YIF1A: variants seen among roughly 807,000 people sequenced by gnomAD.
YIF1A encodes protein YIF1A.
Under a neutral mutation model 32.6 loss-of-function variants are expected in YIF1A, and 28 were observed. The ratio of observed to expected loss-of-function variants is 0.86; its 90% CI spans 0.64 to 1.18. The LOEUF (loss-of-function observed/expected upper bound fraction) is 1.18, where lower values mean the gene tolerates loss of function less well. Ranked by LOEUF, YIF1A falls within the 50% of genes most tolerant of loss-of-function variation. The pLI, the probability that YIF1A is intolerant of heterozygous loss-of-function variation, is 0.00. For missense variants in YIF1A, 373 were observed against 390.8 expected (o/e 0.95, Z 0.38); for synonymous variants, 175 against 162.2 (o/e 1.08, Z -0.60).
At chr11:66,285,567 G>A (rs779970511) in intron 5 of YIF1A, 31 bp from the exon 6 acceptor site, 2 of 1,612,384 alleles carry the variant, frequency 1.2e-6, no homozygotes, top group Non-Finnish European at 1.7e-6. Flanking sequence ...CTCAGAGCCA[G>A]GCATCCTGAG....
chr11:66,285,217 A>T, intron 6 of YIF1A, 164 bp downstream of exon 6: 1 of 1,139,356 alleles, frequency 8.8e-7, no homozygotes, highest in Non-Finnish European at 1.2e-6. Context: ...CAACCTCTGC[A>T]TGGCACGCAG....
chr11:66,287,639 G>T lies in YIF1A; in HGVS notation c.386C>A (p.Pro129His), dbSNP rs371922483. 1.7e-5 allele frequency: 27 copies of T among 1,613,728 alleles called. No homozygotes were observed. The Middle Eastern group carries it at 1.5e-3, about 89-fold the overall frequency. ...AGGGGCGTTGAGGTCTTGCCGGGGG[G>T]GCAGAGGAGCATCACGACTGTACTG... is the stretch of plus-strand genomic sequence containing the variant. ...EVQYSRDAPL[P>H]PRQDLNAPDL... is the part of the protein sequence containing the mutation. Residue 129 changes from proline to histidine, a missense_variant, in exon 4 of 8, where the codon CCC becomes CAC. Pro to His is a moderately conservative substitution (Grantham distance 77). Coordinates refer to ENST00000376901, the MANE Select transcript of YIF1A (RefSeq NM_020470.3).
At chr11:66,286,220 C>A (rs1015170453) in intron 4 of YIF1A, among the ~76,000 whole-genome samples, 1 of 152,222 alleles carries the variant, frequency 6.6e-6, no homozygotes, top group South Asian at 2.1e-4. Flanking sequence ...CCCAACAATG[C>A]AGGGAACTCC....
chr11:66,285,583 G>A, intron 5 of YIF1A, 47 bp from the exon 6 acceptor site: 1 of 1,611,966 alleles, frequency 6.2e-7, no homozygotes, highest in Admixed American at 1.7e-5. Context: ...CTGAGGCAGG[G>A]GTGAGGAAGA....
In YIF1A at chr11:66,287,644, A is replaced by G. The variant is rs1201533593; in HGVS notation, c.381T>C (p.Pro127=). 1 of 1,612,904 alleles carries G rather than the reference A, an allele frequency of 6.2e-7. No homozygotes were observed. Among genetic ancestry groups the G allele is most frequent in the Non-Finnish European group, 8.5e-7 (1 of 1,179,600 alleles). Reference sequence around the variant, plus strand: ...CGTTGAGGTCTTGCCGGGGGGGCAGAGGAGCATCACGACTGTACTGCACTT... The same window carrying G: ...CGTTGAGGTCTTGCCGGGGGGGCAGGGGAGCATCACGACTGTACTGCACTT... ...NWEVQYSRDA[P]LPPRQDLNAP... is the part of the protein sequence containing the mutation. Residue 127 remains proline, a synonymous_variant, in exon 4 of 8, where the codon CCT becomes CCC. Coordinates refer to ENST00000376901, the MANE Select transcript of YIF1A (RefSeq NM_020470.3).
At chr11:66,287,542 A>G in intron 4 of YIF1A, 56 bp downstream of exon 4, 1 of 1,539,092 alleles carries the variant, frequency 6.5e-7, no homozygotes, top group Non-Finnish European at 8.8e-7. Flanking sequence ...CCCTCAAGGC[A>G]CAAGTCCCCC....
chr11:66,285,533 G>A lies in YIF1A; in HGVS notation c.489C>T (p.Phe163=). The A allele has an allele frequency of 6.2e-7, 1 of 1,612,956 alleles. No homozygotes were observed. The highest frequency in any genetic ancestry group is 8.5e-7 in the Non-Finnish European group (1 of 1,180,014). ...CACACAGGCCCAGCACCTCCGGGGA[G>A]AACCTGCGCCAAAGCAGGGGTGGCT... The part of the protein sequence containing the change: ...AGMALGIQKR[F]SPEVLGLCAS... The change falls in exon 6 of 8, where the codon TTC becomes TTT. Residue 163 remains phenylalanine, a synonymous_variant. Coordinates refer to ENST00000376901, the MANE Select transcript of YIF1A (RefSeq NM_020470.3).
At position 66,285,549 on chromosome 11, in the gene YIF1A, A is replaced by G; in HGVS notation, c.486-13T>C. On this transcript the variant is annotated splice_polypyrimidine_tract_variant and intron_variant, in intron 5 of 7. Coordinates refer to ENST00000376901, the MANE Select transcript of YIF1A (RefSeq NM_020470.3). ...CTCCGGGGAGAACCTGCGCCAAAGCAGGGGTGGCTCAGAGCCAGGCATCCT... is the reference window on the plus strand; with the variant it reads ...CTCCGGGGAGAACCTGCGCCAAAGCGGGGGTGGCTCAGAGCCAGGCATCCT... The G allele has an allele frequency of 1.2e-6, 2 of 1,612,864 alleles. No individual in the cohort carries two copies. Among genetic ancestry groups the G allele is most frequent in the Non-Finnish European group, 1.7e-6 (2 of 1,179,988 alleles).
At position 66,284,642 on chromosome 11, in the gene YIF1A, G is replaced by C. The variant is rs770477465; in HGVS notation, c.877C>G (p.Arg293Gly). The change falls in exon 8 of 8, where the codon CGG (arginine) becomes GGG (glycine). Residue 293 changes from arginine to glycine, a missense_variant. Coordinates refer to ENST00000376901, the MANE Select transcript of YIF1A (RefSeq NM_020470.3). ...IIYWLTFHLV[R>G] is the part of the protein sequence containing the mutation. ...TGCCATCTGGGGCCAGGGGGTCACC[G>C]GACCAGGTGGAAAGTCAGCCAGTAT... The C allele has an allele frequency of 6.2e-7, 1 of 1,612,742 alleles. No homozygotes were observed. Among genetic ancestry groups the C allele is most frequent in the East Asian group, 2.2e-5 (1 of 44,888 alleles).
chr11:66,285,512 C>T lies in YIF1A; in HGVS notation c.510G>A (p.Leu170=). The part of the protein sequence containing the change: ...QKRFSPEVLG[L]CASTALVWVV... ...CCCACACCAGCGCTGTGCTTGCACA[C>T]AGGCCCAGCACCTCCGGGGAGAACC... The change falls in exon 6 of 8, where the codon CTG becomes CTA. Residue 170 remains leucine, a synonymous_variant. Transcript: ENST00000376901. The T allele has an allele frequency of 1.2e-6, 2 of 1,613,116 alleles. No homozygotes were observed. Among genetic ancestry groups the T allele is most frequent in the South Asian group, 2.2e-5 (2 of 91,086 alleles).
Position 66,284,763 on chromosome 11 carries a change from T to A in YIF1A, c.756A>T (p.Ala252=). The change falls in exon 8 of 8, where the codon GCA becomes GCT. Residue 252 remains alanine (A), a synonymous_variant. Coordinates refer to ENST00000376901, the MANE Select transcript of YIF1A (RefSeq NM_020470.3). ...MYFIVRSLRT[A]ALGPDSMGGP... ...CCCCCATGCTGTCGGGGCCCAGGGC[T>A]GCTGTCCGCAAAGAGCGCACCTGGA... The A allele has an allele frequency of 6.2e-7, 1 of 1,611,798 alleles. No individual in the cohort carries two copies. Among genetic ancestry groups the A allele is most frequent in the South Asian group, 1.1e-5 (1 of 91,068 alleles).
chr11:66,287,895 T>G lies in YIF1A; in HGVS notation c.265A>C (p.Ser89Arg). 6.2e-7 allele frequency: 1 copy of G among 1,613,586 alleles called. No homozygotes were observed. The highest frequency in any genetic ancestry group is 8.5e-7 in the Non-Finnish European group (1 of 1,179,972). ...HKELHRFVSV[S>R]KLKYFFAVDT... ...ACAGCAAAAAAATACTTGAGTTTGC[T>G]CACAGACACAAAACGGTGCAGCTGG... The change falls in exon 3 of 8, where the codon AGC becomes CGC. Residue 89 changes from serine (S) to arginine (R), a missense_variant. Coordinates refer to ENST00000376901, the MANE Select transcript of YIF1A (RefSeq NM_020470.3).
chr11:66,288,995 G>T lies in YIF1A; in HGVS notation c.-10C>A. 3.2e-6 allele frequency: 5 copies of T among 1,578,430 alleles called. No homozygotes were observed. Among genetic ancestry groups the T allele is most frequent in the Non-Finnish European group, 3.4e-6 (4 of 1,170,408 alleles). ...CCGAGTGATAAGCCATGGCCGCGAC[G>T]CTCGCTGTCCCCGAGGGCCCGCTGC... On this transcript the variant is annotated 5_prime_UTR_variant, in exon 1 of 8. Transcript: ENST00000376901.
Position 66,284,769 on chromosome 11 carries a change from C to T in YIF1A, c.750G>A (p.Arg250=). The T allele has an allele frequency of 6.2e-7, 1 of 1,611,612 alleles. No individual in the cohort carries two copies. The highest frequency in any genetic ancestry group is 8.5e-7 in the Non-Finnish European group (1 of 1,179,338). ...ALMYFIVRSL[R]TAALGPDSMG... ...TGCTGTCGGGGCCCAGGGCTGCTGT[C>T]CGCAAAGAGCGCACCTGGAAGAAAG... Residue 250 remains arginine, a synonymous_variant, in exon 8 of 8, where the codon CGG becomes CGA. Coordinates refer to ENST00000376901, the MANE Select transcript of YIF1A (RefSeq NM_020470.3).
intron 4 of YIF1A, chr11:66,287,344 G>A: frequency 3.8e-6 from 2 of 520,996 alleles, no homozygotes; most frequent in South Asian, 4.7e-5. Flanking sequence ...CCAGGCTGGG[G>A]AGGGATACAG....
chr11:66,288,879 T>G, intron 1 of YIF1A, 76 bp downstream of exon 1: 1 of 1,408,082 alleles, frequency 7.1e-7, no homozygotes, highest in Non-Finnish European at 9.2e-7. Flanking sequence ...AGTCGCTATC[T>G]CCCTCGGGGT....
rs749998585 is a variant in YIF1A, at chr11:66,287,649, C to T, written c.376G>A (p.Ala126Thr). ...QNWEVQYSRD[A>T]PLPPRQDLNA... ...AGGTCTTGCCGGGGGGGCAGAGGAG[C>T]ATCACGACTGTACTGCACTTCCCAG... The change falls in exon 4 of 8, where the codon GCT becomes ACT. Residue 126 changes from alanine (A) to threonine (T), a missense_variant. Physicochemically the swap from Ala to Thr is moderately conservative, Grantham distance 58. Coordinates refer to ENST00000376901, the MANE Select transcript of YIF1A (RefSeq NM_020470.3). 1 of 1,613,478 alleles carries T rather than the reference C, an allele frequency of 6.2e-7. No homozygotes were observed.
intron 5 of YIF1A, 64 bp from the exon 6 acceptor site, chr11:66,285,600 G>A (rs1857343062): frequency 3.7e-6 from 6 of 1,610,926 alleles, no homozygotes; most frequent in Non-Finnish European, 5.1e-6. Context: ...AAGAGAGACT[G>A]GGGCAACAGA....
intron 6 of YIF1A, 181 bp downstream of exon 6, chr11:66,285,200 A>C (rs1590894916): frequency 1.9e-6 from 2 of 1,037,008 alleles, no homozygotes; most frequent in Admixed American, 2.5e-5. Context: ...GACTCTCAAC[A>C]CCTCCCCAAC....
Sources: gnomAD v4.1 joint callset for allele counts (sites outside exome capture counted in the v4.1 genomes callset) on GRCh38, gnomAD v4.1.1 for gene constraint, MANE v1.5 for transcripts, NCBI Gene and HGNC (gene_info 2026-07-23, HGNC 2026-07-21) for gene names.